Variants in MTNR1B observed in about 807,000 individuals in gnomAD.
MTNR1B encodes melatonin receptor 1B.
MTNR1B carries 7 observed loss-of-function variants against 7.0 expected under a neutral mutation model. The ratio of observed to expected loss-of-function variants is 1.00; its 90% CI spans 0.57 to 1.88. The LOEUF (loss-of-function observed/expected upper bound fraction) is 1.88. Ranked by LOEUF, MTNR1B falls within the 40% of genes most tolerant of loss-of-function variation. The pLI is 0.00. For synonymous variants in MTNR1B, 226 were observed against 208.2 expected (o/e 1.09, Z -0.74); for missense variants, 478 against 486.5 (o/e 0.98, Z 0.16).
intron 1 of MTNR1B, among the ~76,000 whole-genome samples, chr11:92,974,260 A>C (rs1212718718): frequency 6.6e-6 from 1 of 152,226 alleles, no homozygotes; most frequent in East Asian, 1.9e-4. Flanking sequence ...TTCTCACAAT[A>C]GTGAATAAGT....
chr11:92,981,301 T>C, intron 1 of MTNR1B, 146 bp from the exon 2 acceptor site: 1 of 1,167,664 alleles, frequency 8.6e-7, no homozygotes, highest in Non-Finnish European at 1.2e-6. Flanking sequence ...GTGGCAGAAA[T>C]GCAATCTGAG....
intron 1 of MTNR1B, among the ~76,000 whole-genome samples, chr11:92,970,497 T>C (rs1047947404): frequency 2.6e-5 from 4 of 152,254 alleles, no homozygotes; most frequent in African/African-American, 9.6e-5. Context: ...AATGCAGAAA[T>C]TGCAGATTCT....
Position 92,969,945 on chromosome 11 carries a change from G to A in MTNR1B, c.220G>A (p.Ala74Thr), listed in dbSNP as rs144090735. Residue 74 changes from alanine to threonine, a missense_variant, in exon 1 of 2, where the codon GCA (alanine) becomes ACA (threonine). Physicochemically the swap from Ala to Thr is moderately conservative, Grantham distance 58. Transcript: ENST00000257068. Reference protein sequence around the residue: ...SVLRNRKLRNAGNLFLVSLAL... With the variant: ...SVLRNRKLRNTGNLFLVSLAL... ...GCTCAGGAACCGCAAGCTCCGGAAC[G>A]CAGGTGAGCACCATTCCTGATGCTG... 2.1e-5 allele frequency: 33 copies of A among 1,609,414 alleles called. No homozygotes were observed. Among genetic ancestry groups the A allele is most frequent in the Non-Finnish European group, 2.7e-5 (32 of 1,178,430 alleles).
chr11:92,982,970 C>A (rs1171602876), downstream of MTNR1B, among the ~76,000 whole-genome samples: 1 of 139,160 alleles, frequency 7.2e-6, no homozygotes, highest in African/African-American at 2.7e-5. Flanking sequence ...CACAGTCACA[C>A]TGCTCCAGCA....
chr11:92,979,095 G>A (rs1253597883), intron 1 of MTNR1B, among the ~76,000 whole-genome samples: 1 of 152,226 alleles, frequency 6.6e-6, no homozygotes, highest in African/African-American at 2.4e-5. Flanking sequence ...AAAGAAAGGA[G>A]CTCATGTAGG....
chr11:92,981,361 A>C (rs1476979680), intron 1 of MTNR1B, 86 bp from the exon 2 acceptor site: 1 of 1,518,852 alleles, frequency 6.6e-7, no homozygotes, highest in Non-Finnish European at 8.8e-7. Context: ...TCACATTGCC[A>C]AAAGTAACTT....
At chr11:92,971,103 G>A (rs1471482088) in intron 1 of MTNR1B, among the ~76,000 whole-genome samples, 1 of 152,032 alleles carries the variant, frequency 6.6e-6, no homozygotes, top group African/African-American at 2.4e-5. Flanking sequence ...GGGATTACAG[G>A]CGCTCGCCAC....
In MTNR1B at chr11:92,982,248, C is replaced by T. The variant is rs146514042; in HGVS notation, c.1025C>T (p.Ala342Val). Residue 342 changes from alanine (A) to valine (V), a missense_variant, in exon 2 of 2, where the codon GCG becomes GTG. Physicochemically the swap from Ala to Val is moderately conservative, Grantham distance 64. Transcript: ENST00000257068. ...CIQDASKGSH[A>V]EGLQSPAPPI... ...CAAGATGCTTCCAAGGGCAGCCACG[C>T]GGAGGGGCTGCAGAGCCCAGCTCCA... The T allele has an allele frequency of 5.3e-5, 86 of 1,614,192 alleles. No individual in the cohort carries two copies. The highest frequency in any genetic ancestry group is 2.2e-4 in the Admixed American group (13 of 60,032).
chr11:92,976,711 C>A (rs2136513267), intron 1 of MTNR1B, among the ~76,000 whole-genome samples: 1 of 152,322 alleles, frequency 6.6e-6, no homozygotes. Flanking sequence ...CCAATGAGCA[C>A]TTTTCTGTCC....
intron 1 of MTNR1B, among the ~76,000 whole-genome samples, chr11:92,978,132 T>TGGAA (rs140909177): frequency 2.8e-4 from 42 of 152,318 alleles, no homozygotes; most frequent in Admixed American, 1.1e-3. Context: ...CTTCTGAGCA[T>TGGAA]GGAGGGTGAG....
chr11:92,982,842 C>A, downstream of MTNR1B: 1 of 176,738 alleles, frequency 5.7e-6, no homozygotes, highest in Non-Finnish European at 1.2e-5. Context: ...ACCACACATG[C>A]ATCACACCAC....
At chr11:92,976,844 G>A (rs1487354822) in intron 1 of MTNR1B, among the ~76,000 whole-genome samples, 1 of 152,126 alleles carries the variant, frequency 6.6e-6, no homozygotes, top group African/African-American at 2.4e-5. Flanking sequence ...TTATGGCTAT[G>A]AGCAATTCAC....
At chr11:92,972,540 G>A (rs576708494) in intron 1 of MTNR1B, 19 of 456,202 alleles carry the variant, frequency 4.2e-5, no homozygotes, top group South Asian at 2.5e-4. Flanking sequence ...CAGACAGGGA[G>A]GAGTGGAGGC....
intron 1 of MTNR1B, among the ~76,000 whole-genome samples, chr11:92,977,742 G>T (rs1371484282): frequency 6.6e-6 from 1 of 152,324 alleles, no homozygotes; most frequent in Non-Finnish European, 1.5e-5. Context: ...CATCTCAATG[G>T]CAGGGGCCAT....
In MTNR1B at chr11:92,969,953, G is replaced by A. The variant is rs1471339452; in HGVS notation, c.223+5G>A. 6.2e-7 allele frequency: 1 copy of A among 1,604,012 alleles called. No homozygotes were observed. The highest frequency in any genetic ancestry group is 8.5e-7 in the Non-Finnish European group (1 of 1,174,442). ...ACCGCAAGCTCCGGAACGCAGGTGA[G>A]CACCATTCCTGATGCTGGGTGCTGG... On this transcript the variant is annotated splice_donor_5th_base_variant and intron_variant, in intron 1 of 1. Transcript: ENST00000257068.
intron 1 of MTNR1B, chr11:92,972,387 A>G: frequency 2.2e-6 from 1 of 456,224 alleles, no homozygotes; most frequent in Non-Finnish European, 4.4e-6. Flanking sequence ...TATGGAGCAG[A>G]TCTGTATCAT....
chr11:92,978,075 T>A (rs988730445), intron 1 of MTNR1B, among the ~76,000 whole-genome samples: 4 of 152,210 alleles, frequency 2.6e-5, no homozygotes, highest in Non-Finnish European at 4.4e-5. Context: ...TTCTATCTTG[T>A]CTTTTAGCTC....
intron 1 of MTNR1B, chr11:92,972,388 T>C: frequency 2.2e-6 from 1 of 456,236 alleles, no homozygotes; most frequent in South Asian, 1.5e-5. Context: ...ATGGAGCAGA[T>C]CTGTATCATT....
chr11:92,977,838 G>A (rs911403824), intron 1 of MTNR1B, among the ~76,000 whole-genome samples: 1 of 152,238 alleles, frequency 6.6e-6, no homozygotes, highest in Admixed American at 6.5e-5. Flanking sequence ...AAGAGTGGAA[G>A]AAGACCTCAA....
Sources: allele counts gnomAD v4.1 joint callset (sites outside exome capture counted in the v4.1 genomes callset), GRCh38; gene constraint gnomAD v4.1.1; transcripts MANE v1.5; gene names NCBI Gene and HGNC (gene_info 2026-07-23, HGNC 2026-07-21).